Variants in GPC5 observed in about 807,000 individuals in gnomAD.
GPC5 encodes glypican 5.
Under a neutral mutation model 53.9 loss-of-function variants are expected in GPC5, and 47 were observed. The ratio of observed to expected loss-of-function variants is 0.87; its 90% CI spans 0.69 to 1.11. GPC5 has a LOEUF of 1.11. Ranked by LOEUF, GPC5 falls within the 50% of genes most tolerant of loss-of-function variation. The probability of loss-of-function intolerance (pLI) is 0.00; values close to 1 mark genes in which losing one functional copy is unlikely to be tolerated. For synonymous variants in GPC5, 286 were observed against 263.3 expected (o/e 1.09, Z -0.84); for missense variants, 748 against 713.1 (o/e 1.05, Z -0.56).
chr13:92,607,919 T>C (rs1406441825), intron 7 of GPC5, among the ~76,000 whole-genome samples: 1 of 152,172 alleles, frequency 6.6e-6, no homozygotes, highest in African/African-American at 2.4e-5. Context: ...ACACCTCCTC[T>C]TTCTCTTCAG....
At chr13:92,304,318 C>T (rs1346275064) in intron 7 of GPC5, among the ~76,000 whole-genome samples, 2 of 151,942 alleles carry the variant, frequency 1.3e-5, no homozygotes, top group African/African-American at 4.8e-5. Flanking sequence ...CATTCTCCTG[C>T]CTCAGCCTCC....
chr13:92,622,562 T>C (rs1345088628), intron 7 of GPC5, among the ~76,000 whole-genome samples: 2 of 151,968 alleles, frequency 1.3e-5, no homozygotes, highest in African/African-American at 2.4e-5. Context: ...ATTCCATTGA[T>C]TGATTTTTTT....
intron 7 of GPC5, among the ~76,000 whole-genome samples, chr13:92,156,622 G>T (rs1392054986): frequency 6.6e-6 from 1 of 152,044 alleles, no homozygotes; most frequent in African/African-American, 2.4e-5. Flanking sequence ...CTAATAAATG[G>T]TATCCATGTG....
intron 2 of GPC5, among the ~76,000 whole-genome samples, chr13:91,469,275 A>T (rs1357273902): frequency 1.3e-5 from 2 of 151,808 alleles, no homozygotes; most frequent in Non-Finnish European, 2.9e-5. Context: ...TGTCCAGCTC[A>T]TTTTTGTATT....
rs1204511084 is a variant in GPC5, at chr13:91,430,596, C to T, written c.164-18165C>T. ...TTTGAGGGTGCTCACCATAAAGAAA[C>T]TCAGGATGAAGCAAAATCTGTGGGT... is the stretch of plus-strand genomic sequence containing the variant. On this transcript the variant is annotated intron_variant, in intron 1 of 7. Coordinates refer to ENST00000377067, the MANE Select transcript of GPC5 (RefSeq NM_004466.6). Among the ~76,000 whole-genome samples, 3 of 152,228 alleles carry T rather than the reference C, an allele frequency of 2.0e-5. No individual in the cohort carries two copies. In the East Asian group the frequency reaches 5.8e-4, roughly 29 times the overall value.
At chr13:91,407,267 TA>T (rs1214394992) in intron 1 of GPC5, among the ~76,000 whole-genome samples, 1 of 152,248 alleles carries the variant, frequency 6.6e-6, no homozygotes, top group African/African-American at 2.4e-5. Context: ...CCACAAATTT[TA>T]TAAAGTGACC....
chr13:92,218,961 TATC>T lies in GPC5; in HGVS notation c.1561+73976_1561+73978del, dbSNP rs553635062. Among the ~76,000 whole-genome samples, 104 of 152,314 alleles carry T rather than the reference TATC, an allele frequency of 6.8e-4. 1 individual carries two copies. The highest frequency in any genetic ancestry group is 2.3e-3 in the African/African-American group (97 of 41,572). ...GACTTTGAAAACCACAATAAAATTA[TATC>T]ATCCTCAGGCCCAACGTTAAAGGAA... is the stretch of plus-strand genomic sequence containing the variant. On this transcript the variant is annotated intron_variant, in intron 7 of 7. Coordinates refer to ENST00000377067, the MANE Select transcript of GPC5 (RefSeq NM_004466.6).
intron 5 of GPC5, among the ~76,000 whole-genome samples, chr13:91,883,878 C>T (rs1190859614): frequency 6.6e-6 from 1 of 151,910 alleles, no homozygotes; most frequent in Non-Finnish European, 1.5e-5. Context: ...CGGATTATTC[C>T]ATTACCCACA....
At chr13:92,288,455 A>T (rs747583436) in intron 7 of GPC5, among the ~76,000 whole-genome samples, 17 of 152,134 alleles carry the variant, frequency 1.1e-4, no homozygotes, top group Admixed American at 2.0e-4. Flanking sequence ...TACTTGTCCA[A>T]ACTGTTTTCA....
At chr13:91,916,569 T>A (rs1430989364) in intron 6 of GPC5, among the ~76,000 whole-genome samples, 10 of 152,212 alleles carry the variant, frequency 6.6e-5, no homozygotes, top group Non-Finnish European at 5.9e-5. Context: ...CTGCATTTAT[T>A]GATATACTAC....
chr13:92,361,806 A>G (rs1294830460), intron 7 of GPC5, among the ~76,000 whole-genome samples: 3 of 151,732 alleles, frequency 2.0e-5, no homozygotes, highest in Non-Finnish European at 2.9e-5. Flanking sequence ...ATATGTAATG[A>G]CTCATAAGTG....
intron 5 of GPC5, among the ~76,000 whole-genome samples, chr13:91,768,055 A>G (rs1356597304): frequency 6.6e-6 from 1 of 152,230 alleles, no homozygotes; most frequent in Non-Finnish European, 1.5e-5. Flanking sequence ...CTAAACTACA[A>G]AAATGGAAAA....
chr13:91,847,960 T>C (rs2138885039), intron 5 of GPC5, among the ~76,000 whole-genome samples: 1 of 152,346 alleles, frequency 6.6e-6, no homozygotes, highest in Middle Eastern at 3.4e-3. Context: ...ATCATTGTAG[T>C]TGAGCAAAAT....
intron 7 of GPC5, among the ~76,000 whole-genome samples, chr13:92,609,380 G>C (rs1369857135): frequency 6.6e-6 from 1 of 152,034 alleles, no homozygotes; most frequent in African/African-American, 2.4e-5. Context: ...TCAGTTTTTT[G>C]AAGGAAAAAT....
In GPC5 at chr13:91,728,543, T is replaced by C. The variant is rs1231673091; in HGVS notation, c.1032T>C (p.Ile344=). The C allele has an allele frequency of 6.2e-7, 1 of 1,610,566 alleles. No individual in the cohort carries two copies. The highest frequency in any genetic ancestry group is 1.7e-5 in the Admixed American group (1 of 59,604). ...GQKLLEQVNR[I]CGRPVRTPTQ... ...TTTCTATTTAAAAGGTAAATAGGAT[T>C]TGTGGCCGCCCTGTAAGAACACCCA... The change falls in exon 4 of 8, where the codon ATT becomes ATC. Residue 344 remains isoleucine, a synonymous_variant. Transcript: ENST00000377067.
intron 7 of GPC5, among the ~76,000 whole-genome samples, chr13:92,430,584 G>A (rs138091875): frequency 4.6e-5 from 7 of 152,224 alleles, no homozygotes; most frequent in African/African-American, 7.2e-5. Context: ...GTGCCTCTTC[G>A]CTAGACTGTC....
chr13:91,719,534 C>T lies in GPC5; in HGVS notation c.1021-8998C>T, dbSNP rs578095380. Among the ~76,000 whole-genome samples the T allele has an allele frequency of 5.3e-5, 8 of 152,334 alleles. No individual in the cohort carries two copies. The South Asian group carries it at 1.7e-3, about 32-fold the overall frequency. ...ATATCTCACATTATGGTCATTATTT[C>T]CTACCATTCCAGCTAACTTACTCCA... is the stretch of plus-strand genomic sequence containing the variant. On this transcript the variant is annotated intron_variant, in intron 3 of 7. Transcript: ENST00000377067.
At chr13:92,266,645 G>A (rs1390004200) in intron 7 of GPC5, among the ~76,000 whole-genome samples, 1 of 152,148 alleles carries the variant, frequency 6.6e-6, no homozygotes, top group East Asian at 1.9e-4. Flanking sequence ...GAGAGATTGG[G>A]TGGAATGTGC....
intron 7 of GPC5, among the ~76,000 whole-genome samples, chr13:92,417,824 G>A (rs901871508): frequency 6.6e-6 from 1 of 152,194 alleles, no homozygotes; most frequent in African/African-American, 2.4e-5. Context: ...CTGGGAGGTC[G>A]AGGGTGCGGT....
Sources: allele counts gnomAD v4.1 joint callset (sites outside exome capture counted in the v4.1 genomes callset), GRCh38; gene constraint gnomAD v4.1.1; transcripts MANE v1.5; gene names NCBI Gene and HGNC (gene_info 2026-07-23, HGNC 2026-07-21).